The following RPS6KC1 variants were observed in gnomAD, a reference collection of about 807,000 sequenced individuals.
RPS6KC1 encodes the protein ribosomal protein S6 kinase C1.
A neutral mutation model predicts 103.8 loss-of-function variants in RPS6KC1; 54 were observed. That is an observed-to-expected ratio of 0.52 (90% CI 0.42 to 0.65). The LOEUF is 0.65. Ranked by LOEUF, RPS6KC1 falls within the 30% of genes least tolerant of loss-of-function variation. The probability of loss-of-function intolerance (pLI) is 0.00; values close to 1 mark genes in which losing one functional copy is unlikely to be tolerated. For synonymous variants in RPS6KC1, 439 were observed against 438.7 expected (o/e 1.00, Z -0.01); for missense variants, 1,151 against 1,253.8 (o/e 0.92, Z 1.24).
chr1:213,144,663 C>T (rs1388970282), intron 6 of RPS6KC1, among the ~76,000 whole-genome samples: 1 of 152,022 alleles, frequency 6.6e-6, no homozygotes, highest in Non-Finnish European at 1.5e-5. Context: ...GCTCTTTACC[C>T]TATTCTCCTT....
At chr1:213,628,458 C>G in the RPS6KC1 span, among the ~76,000 whole-genome samples, 1 of 152,008 alleles carries the variant, frequency 6.6e-6, no homozygotes, top group Non-Finnish European at 1.5e-5. Flanking sequence ...TTGCCTTCTG[C>G]TAGCTTTTGT....
At chr1:213,195,565 G>A (rs2092914300) in intron 8 of RPS6KC1, among the ~76,000 whole-genome samples, 1 of 152,130 alleles carries the variant, frequency 6.6e-6, no homozygotes, top group Non-Finnish European at 1.5e-5. Flanking sequence ...TATCACCTGA[G>A]CATTGTATAC....
At chr1:213,054,191 A>C (rs2077161757) in intron 1 of RPS6KC1, among the ~76,000 whole-genome samples, 1 of 152,230 alleles carries the variant, frequency 6.6e-6, no homozygotes, top group South Asian at 2.1e-4. Flanking sequence ...AAGTTTTGAC[A>C]ATATAAACTA....
chr1:213,454,117 T>C, the RPS6KC1 span, among the ~76,000 whole-genome samples: 1 of 150,668 alleles, frequency 6.6e-6, no homozygotes, highest in Non-Finnish European at 1.5e-5. Context: ...GAGTCAAAAG[T>C]TTATTAATAT....
At chr1:213,627,722 T>C in the RPS6KC1 span, among the ~76,000 whole-genome samples, 2 of 152,206 alleles carry the variant, frequency 1.3e-5, no homozygotes, top group East Asian at 1.9e-4. Flanking sequence ...TGCTGGATTA[T>C]GTTTATTGAT....
intron 8 of RPS6KC1, among the ~76,000 whole-genome samples, chr1:213,187,144 C>G (rs2092565799): frequency 1.3e-5 from 2 of 152,054 alleles, no homozygotes; most frequent in South Asian, 4.1e-4. Flanking sequence ...TCAAACAGTT[C>G]TCCTGCCTTG....
the RPS6KC1 span, among the ~76,000 whole-genome samples, chr1:213,592,841 A>G: frequency 1.3e-5 from 2 of 152,212 alleles, no homozygotes; most frequent in Non-Finnish European, 2.9e-5. Context: ...TTGACAAGCC[A>G]ATCGATTAAT....
chr1:213,424,703 C>G, the RPS6KC1 span, among the ~76,000 whole-genome samples: 5 of 152,262 alleles, frequency 3.3e-5, no homozygotes, highest in Non-Finnish European at 7.3e-5. Context: ...GGATTTCACA[C>G]CCTATTTCTC....
chr1:213,807,814 C>T, the RPS6KC1 span, among the ~76,000 whole-genome samples: 10 of 152,296 alleles, frequency 6.6e-5, no homozygotes, highest in East Asian at 5.8e-4. Context: ...TTCCATTGCT[C>T]GTGAGGAACT....
At chr1:213,057,968 A>G (rs1254912638) in intron 1 of RPS6KC1, among the ~76,000 whole-genome samples, 1 of 146,810 alleles carries the variant, frequency 6.8e-6, no homozygotes, top group African/African-American at 2.5e-5. Context: ...CAGTTTCACC[A>G]TGTTGTCCAG....
chr1:213,617,244 G>A, the RPS6KC1 span, among the ~76,000 whole-genome samples: 2 of 152,090 alleles, frequency 1.3e-5, no homozygotes, highest in East Asian at 1.9e-4. Flanking sequence ...GCTGGCAGGT[G>A]GGGGGTGTCA....
At chr1:213,234,014 CTTT>C (rs565425301) in intron 10 of RPS6KC1, among the ~76,000 whole-genome samples, 14 of 135,058 alleles carry the variant, frequency 1.0e-4, no homozygotes, top group Non-Finnish European at 8.0e-5. Context: ...CTCTCTCTCT[CTTT>C]TTTTTTTTTT....
At chr1:213,059,639 G>A (rs1027679755) in intron 1 of RPS6KC1, among the ~76,000 whole-genome samples, 4 of 151,856 alleles carry the variant, frequency 2.6e-5, no homozygotes, top group Non-Finnish European at 4.4e-5. Context: ...TCAGCCTCCC[G>A]AGTAGCTGGG....
At chr1:213,598,295 T>G in the RPS6KC1 span, among the ~76,000 whole-genome samples, 33 of 152,176 alleles carry the variant, frequency 2.2e-4, no homozygotes, top group Non-Finnish European at 4.1e-4. Flanking sequence ...TACACAACCT[T>G]GCATGTACAA....
At chr1:213,208,702 G>T (rs1049302516) in intron 8 of RPS6KC1, among the ~76,000 whole-genome samples, 3 of 151,858 alleles carry the variant, frequency 2.0e-5, no homozygotes, top group Admixed American at 6.6e-5. Flanking sequence ...CTCACCATTT[G>T]GTGTACAGGT....
intron 7 of RPS6KC1, among the ~76,000 whole-genome samples, chr1:213,175,997 T>C (rs959640977): frequency 3.3e-5 from 5 of 152,150 alleles, no homozygotes; most frequent in African/African-American, 1.2e-4. Context: ...GTTTTTTAGT[T>C]CCCCCACTTC....
chr1:213,137,255 T>C (rs2086381020), intron 6 of RPS6KC1, among the ~76,000 whole-genome samples: 1 of 152,024 alleles, frequency 6.6e-6, no homozygotes, highest in African/African-American at 2.4e-5. Flanking sequence ...GTAGGAAGGC[T>C]TTACCAAGGC....
the RPS6KC1 span, among the ~76,000 whole-genome samples, chr1:213,350,910 T>C: frequency 6.6e-6 from 1 of 152,174 alleles, no homozygotes; most frequent in East Asian, 1.9e-4. Context: ...TTTTGTATCT[T>C]ATTTGGTACA....
chr1:213,731,027 G>A, the RPS6KC1 span, among the ~76,000 whole-genome samples: 1 of 152,138 alleles, frequency 6.6e-6, no homozygotes, highest in African/African-American at 2.4e-5. Context: ...ATTGAATCAG[G>A]AATCCTTTCC....
Sources: allele counts gnomAD v4.1 joint callset (sites outside exome capture counted in the v4.1 genomes callset), GRCh38; gene constraint gnomAD v4.1.1; transcripts MANE v1.5; gene names NCBI Gene and HGNC (gene_info 2026-07-23, HGNC 2026-07-21).